TENT4B: variants seen among roughly 807,000 people sequenced by gnomAD.
TENT4B encodes PAP associated domain containing 5.
A neutral mutation model predicts 75.0 loss-of-function variants in TENT4B; 10 were observed. The ratio of observed to expected loss-of-function variants is 0.13; its 90% CI spans 0.08 to 0.23. The LOEUF (loss-of-function observed/expected upper bound fraction) is 0.23, where lower values mean the gene tolerates loss of function less well. Among genes scored for constraint, TENT4B ranks in the 10% least tolerant of loss-of-function variants. The pLI, the probability that TENT4B is intolerant of heterozygous loss-of-function variation, is 1.00. For synonymous variants in TENT4B, 350 were observed against 357.7 expected (o/e 0.98, Z 0.24); for missense variants, 579 against 893.8 (o/e 0.65, Z 4.49).
Position 50,222,339 on chromosome 16 carries a change from T to G in TENT4B, c.1072T>G (p.Leu358Val). ...TGTATTGCCATACTTGGTTTTAGTA[T>G]TGAAACAATTCCTATTGCAGAGGGA... ...YPVLPYLVLV[L>V]KQFLLQRDLN... Residue 358 changes from leucine (L) to valine (V), a missense_variant, in exon 6 of 12, where the codon TTG becomes GTG. Physicochemically the swap from Leu to Val is conservative, Grantham distance 32. Around this residue, in one of 7 missense-constraint regions of TENT4B, gnomAD observed 71 missense variants for 210.6 expected, o/e 0.34. Coordinates refer to ENST00000561678, the MANE Select transcript of TENT4B (RefSeq NM_001365324.3). The G allele has an allele frequency of 6.2e-7, 1 of 1,607,762 alleles. No homozygotes were observed. The highest frequency in any genetic ancestry group is 8.5e-7 in the Non-Finnish European group (1 of 1,176,352).
At chr16:50,184,798 T>C (rs1200822099) in intron 1 of TENT4B, among the ~76,000 whole-genome samples, 3 of 152,160 alleles carry the variant, frequency 2.0e-5, no homozygotes, top group African/African-American at 7.2e-5. Context: ...GTAGTAGGCT[T>C]ACTGCAGCCT....
intron 1 of TENT4B, among the ~76,000 whole-genome samples, chr16:50,177,282 C>T (rs763159042): frequency 2.0e-5 from 3 of 151,726 alleles, no homozygotes; most frequent in South Asian, 4.2e-4. Context: ...GGATTACAGG[C>T]GTGAGTCACT....
intron 1 of TENT4B, among the ~76,000 whole-genome samples, chr16:50,198,432 A>G (rs1431398924): frequency 7.2e-6 from 1 of 138,842 alleles, no homozygotes; most frequent in African/African-American, 2.6e-5. Context: ...AAAAAAAAAA[A>G]AGAAGAAAAG....
chr16:50,199,524 T>C (rs1425717283), intron 1 of TENT4B, among the ~76,000 whole-genome samples: 1 of 152,236 alleles, frequency 6.6e-6, no homozygotes, highest in Non-Finnish European at 1.5e-5. Context: ...TTTCACCTAT[T>C]AATTTATCCC....
At chr16:50,171,011 A>G (rs923260314) in intron 1 of TENT4B, among the ~76,000 whole-genome samples, 1 of 148,562 alleles carries the variant, frequency 6.7e-6, no homozygotes. Context: ...TTCCTGGGCT[A>G]TTCCCAAACT....
At chr16:50,227,057 C>T (rs2032089213) in intron 10 of TENT4B, among the ~76,000 whole-genome samples, 1 of 152,200 alleles carries the variant, frequency 6.6e-6, no homozygotes, top group South Asian at 2.1e-4. Flanking sequence ...CTAAAGCAGG[C>T]TTACCTGTTT....
intron 1 of TENT4B, among the ~76,000 whole-genome samples, chr16:50,169,069 G>A (rs535183298): frequency 3.9e-5 from 6 of 152,202 alleles, no homozygotes; most frequent in South Asian, 2.1e-4. Context: ...TTCATTTGCC[G>A]TATCAAATAT....
chr16:50,165,031 G>A (rs1362706842), intron 1 of TENT4B, among the ~76,000 whole-genome samples: 2 of 151,368 alleles, frequency 1.3e-5, no homozygotes, highest in East Asian at 3.9e-4. Flanking sequence ...TCCAGCCTGG[G>A]TGACAGAGCG....
chr16:50,178,142 CTTT>C (rs35008488), intron 1 of TENT4B, among the ~76,000 whole-genome samples: 1 of 115,628 alleles, frequency 8.6e-6, no homozygotes. Context: ...AGGTGGTCTA[CTTT>C]TTTTTTTTTT....
In TENT4B at chr16:50,227,898, G is replaced by A. The variant is rs746553252; in HGVS notation, c.1860G>A (p.Gly620=). The A allele has an allele frequency of 1.2e-6, 2 of 1,611,292 alleles. No individual in the cohort carries two copies. The highest frequency in any genetic ancestry group is 1.3e-5 in the African/African-American group (1 of 74,874). The change falls in exon 11 of 12, where the codon GGG becomes GGA. Residue 620 remains glycine, a synonymous_variant. Transcript: ENST00000561678. The part of the protein sequence containing the change: ...PKQLLCRPST[G]NRVGSQDVSL... ...AGCTGCTTTGCCGTCCGTCCACTGG[G>A]AACCGAGTAGGGTCGCAAGATGTAT...
intron 1 of TENT4B, among the ~76,000 whole-genome samples, chr16:50,183,240 C>T (rs1326487203): frequency 2.6e-5 from 4 of 151,908 alleles, no homozygotes; most frequent in South Asian, 2.1e-4. Context: ...GACGGGGTTC[C>T]TCCATGTTGG....
chr16:50,213,208 G>C (rs1388554940), intron 2 of TENT4B, among the ~76,000 whole-genome samples: 6 of 152,018 alleles, frequency 3.9e-5, no homozygotes, highest in African/African-American at 1.4e-4. Context: ...TCAGGCGCCC[G>C]TCACCACACC....
rs963349756 is a variant in TENT4B, at chr16:50,191,314, T to C, written c.639-20009T>C. On this transcript the variant is annotated intron_variant, in intron 1 of 11. Coordinates refer to ENST00000561678, the MANE Select transcript of TENT4B (RefSeq NM_001365324.3). ...TGTTTTCCACACAGCTGTACCATTG[T>C]ACATTCCCCCCAGCAATGTACGAGG... Among the ~76,000 whole-genome samples the C allele has an allele frequency of 4.6e-5, 7 of 152,342 alleles. No individual in the cohort carries two copies. The East Asian group carries it at 1.3e-3, about 29-fold the overall frequency.
intron 1 of TENT4B, among the ~76,000 whole-genome samples, chr16:50,175,769 C>T (rs1597236038): frequency 6.6e-6 from 1 of 152,102 alleles, no homozygotes; most frequent in South Asian, 2.1e-4. Context: ...CACGTCCGGC[C>T]AGTTTTTTTG....
intron 1 of TENT4B, among the ~76,000 whole-genome samples, chr16:50,183,098 C>T (rs2038453990): frequency 6.6e-6 from 1 of 150,826 alleles, no homozygotes; most frequent in Non-Finnish European, 1.5e-5. Context: ...GGCTGGAGTG[C>T]AATGGCCCAA....
chr16:50,154,481 T>A (rs1030188222), intron 1 of TENT4B, among the ~76,000 whole-genome samples: 6 of 151,614 alleles, frequency 4.0e-5, no homozygotes, highest in Non-Finnish European at 8.8e-5. Flanking sequence ...TGTCCTCCCT[T>A]AGTCGTCCAC....
upstream of TENT4B, chr16:50,153,075 C>G (rs535553454): frequency 2.9e-6 from 4 of 1,401,458 alleles, no homozygotes; most frequent in African/African-American, 1.5e-5. Flanking sequence ...ACGGTTGGGC[C>G]AGGCGGTTGC....
upstream of TENT4B, chr16:50,152,981 G>C (rs1164142420): frequency 6.6e-7 from 1 of 1,514,722 alleles, no homozygotes; most frequent in Admixed American, 2.0e-5. Flanking sequence ...TCAGCACCGG[G>C]GAAGCCGAGG....
intron 1 of TENT4B, among the ~76,000 whole-genome samples, chr16:50,170,517 C>G (rs948951750): frequency 6.6e-6 from 1 of 152,226 alleles, no homozygotes; most frequent in African/African-American, 2.4e-5. Context: ...GTAGCAGCAG[C>G]GTTAAAGAAA....
Sources: gnomAD v4.1 joint callset for allele counts (sites outside exome capture counted in the v4.1 genomes callset) on GRCh38, gnomAD v4.1.1 for gene constraint, gnomAD v4.1.1 regional missense constraint, MANE v1.5 for transcripts, NCBI Gene and HGNC (gene_info 2026-07-23, HGNC 2026-07-21) for gene names.